The following OXR1 variants were observed in gnomAD, a reference collection of about 807,000 sequenced individuals.
OXR1 encodes the protein oxidation resistance 1.
A neutral mutation model predicts 104.6 loss-of-function variants in OXR1; 41 were observed. The observed-to-expected ratio is 0.39, with a 90% CI of 0.31 to 0.51. The LOEUF (loss-of-function observed/expected upper bound fraction) is 0.51. Among genes scored for constraint, OXR1 ranks in the 20% least tolerant of loss-of-function variants. The probability of loss-of-function intolerance (pLI) is 0.77; values close to 1 mark genes in which losing one functional copy is unlikely to be tolerated. For synonymous variants in OXR1, 348 were observed against 348.4 expected (o/e 1.00, Z 0.01); for missense variants, 955 against 1,031.9 (o/e 0.93, Z 1.02).
intron 1 of OXR1, among the ~76,000 whole-genome samples, chr8:106,297,624 A>G (rs533410278): frequency 6.6e-6 from 1 of 152,320 alleles, no homozygotes; most frequent in African/African-American, 2.4e-5. Flanking sequence ...ACAGTATTAT[A>G]ATCTTATGGG....
intron 2 of OXR1, among the ~76,000 whole-genome samples, chr8:106,437,193 G>T (rs1330884969): frequency 2.6e-5 from 4 of 151,998 alleles, no homozygotes; most frequent in Non-Finnish European, 5.9e-5. Context: ...AATTATTAAG[G>T]AAGTGATGTT....
At chr8:106,511,122 T>C (rs2130037203) in intron 2 of OXR1, among the ~76,000 whole-genome samples, 1 of 152,354 alleles carries the variant, frequency 6.6e-6, no homozygotes, top group African/African-American at 2.4e-5. Flanking sequence ...GTTTCCAATC[T>C]ATCATTTCTT....
chr8:106,748,289 G>A lies in OXR1; in HGVS notation c.2486+2427G>A, dbSNP rs897068185. On this transcript the variant is annotated intron_variant, in intron 16 of 16. Transcript: ENST00000517566. ...AATGATGGCTTCCTCATGGGACAGGGGGCATTTTGGGGACGATATAGTTTT... is the reference window on the plus strand; with the variant it reads ...AATGATGGCTTCCTCATGGGACAGGAGGCATTTTGGGGACGATATAGTTTT... Among the ~76,000 whole-genome samples, 6 of 152,120 alleles carry A rather than the reference G, an allele frequency of 3.9e-5. No individual in the cohort carries two copies. The East Asian group carries it at 1.2e-3, about 29-fold the overall frequency.
At chr8:106,378,494 C>G (rs1816998739) in intron 2 of OXR1, among the ~76,000 whole-genome samples, 1 of 152,114 alleles carries the variant, frequency 6.6e-6, no homozygotes. Context: ...TCGCTGACAT[C>G]TGACTTTTGT....
At chr8:106,707,971 AT>A (rs1831306902) in intron 9 of OXR1, among the ~76,000 whole-genome samples, 1 of 152,184 alleles carries the variant, frequency 6.6e-6, no homozygotes, top group African/African-American at 2.4e-5. Context: ...ACGTAAATAT[AT>A]TATTTGAAGC....
chr8:106,537,089 G>A (rs1218455669), intron 3 of OXR1, among the ~76,000 whole-genome samples: 2 of 151,974 alleles, frequency 1.3e-5, no homozygotes, highest in South Asian at 2.1e-4. Context: ...TTTGCAGATG[G>A]CCATCTTCTC....
rs573461666 is a variant in OXR1, at chr8:106,704,722, G to A, written c.860+1632G>A. Among the ~76,000 whole-genome samples the A allele has an allele frequency of 4.6e-5, 7 of 152,042 alleles. No individual in the cohort carries two copies. In the South Asian group the frequency reaches 1.5e-3, roughly 32 times the overall value. ...TTTGTCCTTTTCCATTTGCAATATG[G>A]TACTTTGGGGTTCTCTTATTCTGAA... On this transcript the variant is annotated intron_variant, in intron 8 of 16. Coordinates refer to ENST00000517566, the MANE Select transcript of OXR1 (RefSeq NM_001198533.2).
intron 11 of OXR1, among the ~76,000 whole-genome samples, chr8:106,718,670 T>G (rs565934830): frequency 2.6e-5 from 4 of 152,114 alleles, no homozygotes; most frequent in African/African-American, 9.6e-5. Flanking sequence ...AAACCCCGTC[T>G]CTACTAAAAA....
At chr8:106,595,091 G>GTCT (rs1458077938) in intron 3 of OXR1, among the ~76,000 whole-genome samples, 3 of 152,220 alleles carry the variant, frequency 2.0e-5, no homozygotes, top group Non-Finnish European at 4.4e-5. Flanking sequence ...CAAAACCACA[G>GTCT]TCTTCTTTGT....
At position 106,683,293 on chromosome 8, in the gene OXR1, T is replaced by C; in HGVS notation, c.398T>C (p.Val133Ala). ...TTAAATAAGTTATTCTCCCGAGCAG[T>C]TGTTACTGGACAGGTAGTATCTTTT... ...VQLNKLFSRA[V>A]VTGQVLYVPD... Residue 133 changes from valine to alanine, a missense_variant, in exon 5 of 17, where the codon GTT becomes GCT. Coordinates refer to ENST00000517566, the MANE Select transcript of OXR1 (RefSeq NM_001198533.2). 1 of 1,553,240 alleles carries C rather than the reference T, an allele frequency of 6.4e-7. No homozygotes were observed. The highest frequency in any genetic ancestry group is 8.9e-7 in the Non-Finnish European group (1 of 1,125,254).
At chr8:106,413,470 C>T (rs1440628424) in intron 2 of OXR1, among the ~76,000 whole-genome samples, 1 of 152,060 alleles carries the variant, frequency 6.6e-6, no homozygotes, top group Admixed American at 6.6e-5. Flanking sequence ...GTATCCTAGA[C>T]AGAGGTAGTG....
At chr8:106,667,753 G>A (rs1447630843) in intron 3 of OXR1, among the ~76,000 whole-genome samples, 1 of 151,876 alleles carries the variant, frequency 6.6e-6, no homozygotes, top group Non-Finnish European at 1.5e-5. Context: ...TGCAAATACT[G>A]AACTTTAAAA....
intron 3 of OXR1, among the ~76,000 whole-genome samples, chr8:106,597,243 C>T (rs1819603137): frequency 6.6e-6 from 1 of 151,992 alleles, no homozygotes; most frequent in African/African-American, 2.4e-5. Context: ...GTCATGGGGG[C>T]AGAGGCCTCA....
chr8:106,450,134 T>G (rs1586655714), intron 2 of OXR1, among the ~76,000 whole-genome samples: 2 of 152,320 alleles, frequency 1.3e-5, no homozygotes, highest in East Asian at 3.9e-4. Flanking sequence ...GAATGATCAA[T>G]TCCTTGAGTG....
At chr8:106,402,473 A>G (rs1220105516) in intron 2 of OXR1, among the ~76,000 whole-genome samples, 1 of 152,202 alleles carries the variant, frequency 6.6e-6, no homozygotes, top group Non-Finnish European at 1.5e-5. Context: ...AACTAGGAAA[A>G]TAACCACAAG....
At chr8:106,673,380 C>A (rs1827240767) in intron 3 of OXR1, among the ~76,000 whole-genome samples, 1 of 152,086 alleles carries the variant, frequency 6.6e-6, no homozygotes, top group South Asian at 2.1e-4. Flanking sequence ...TTCTAAGCAG[C>A]AAAGTGTTCA....
chr8:106,572,956 G>C lies in OXR1; in HGVS notation c.220+53817G>C, dbSNP rs755618174. On this transcript the variant is annotated intron_variant, in intron 3 of 16. Transcript: ENST00000517566. ...CCAATGGAGACCCAGGAGAGCTGAT[G>C]TGTAGTTCCAGTCTGAGATCAAAGG... Among the ~76,000 whole-genome samples the C allele has an allele frequency of 3.3e-5, 5 of 152,294 alleles. No individual in the cohort carries two copies. The East Asian group carries it at 9.7e-4, about 29-fold the overall frequency.
At chr8:106,622,487 C>A (rs201852034) in intron 3 of OXR1, among the ~76,000 whole-genome samples, 20 of 123,012 alleles carry the variant, frequency 1.6e-4, no homozygotes, top group African/African-American at 4.8e-4. Context: ...ACACACACAC[C>A]CCTTACTTCA....
intron 3 of OXR1, among the ~76,000 whole-genome samples, chr8:106,599,319 A>T (rs946453504): frequency 4.6e-5 from 7 of 152,240 alleles, no homozygotes; most frequent in African/African-American, 1.7e-4. Flanking sequence ...GTGCACTTTT[A>T]AAATCAAATG....
Sources: gnomAD v4.1 joint callset for allele counts (sites outside exome capture counted in the v4.1 genomes callset) on GRCh38, gnomAD v4.1.1 for gene constraint, MANE v1.5 for transcripts, NCBI Gene and HGNC (gene_info 2026-07-23, HGNC 2026-07-21) for gene names.